The following RASL10A variants were observed in gnomAD, a reference collection of about 807,000 sequenced individuals.
RASL10A encodes the protein RAS like family 10 member A, also known as ras-like protein family member 10A.
RASL10A carries 13 observed loss-of-function variants against 17.3 expected under a neutral mutation model. That is an observed-to-expected ratio of 0.75 (90% CI 0.49 to 1.20). The LOEUF (loss-of-function observed/expected upper bound fraction) is 1.20, where lower values mean the gene tolerates loss of function less well. Among genes scored for constraint, RASL10A ranks in the 50% most tolerant of loss-of-function variants. The pLI is 0.00. For synonymous variants in RASL10A, 159 were observed against 142.2 expected (o/e 1.12, Z -0.84); for missense variants, 307 against 310.3 (o/e 0.99, Z 0.08).
At chr22:29,316,038 G>A (rs1323660933), upstream of RASL10A, among the ~76,000 whole-genome samples, 1 of 152,206 alleles carries the variant, frequency 6.6e-6, no homozygotes, top group Non-Finnish European at 1.5e-5. Context: ...GTGTGACCTT[G>A]GGCGAATCGC....
chr22:29,314,854 C>T (rs1009953489), intron 1 of RASL10A, among the ~76,000 whole-genome samples, 174 bp downstream of exon 1: 2 of 152,238 alleles, frequency 1.3e-5, no homozygotes, highest in Non-Finnish European at 2.9e-5. Context: ...TGGGCTTGGG[C>T]GTCTCCAGGT....
chr22:29,317,977 C>T (rs1014046792), upstream of RASL10A, among the ~76,000 whole-genome samples: 2 of 151,958 alleles, frequency 1.3e-5, no homozygotes, highest in South Asian at 2.1e-4. Context: ...TGAGCCACTG[C>T]GCCCGGCCAG....
At position 29,313,559 on chromosome 22, in the gene RASL10A, GC is replaced by G; in HGVS notation, c.353del (p.Gly118AlafsTer10). 1 of 1,526,248 alleles carries G rather than the reference GC, an allele frequency of 6.6e-7. No homozygotes were observed. Among genetic ancestry groups the G allele is most frequent in the Non-Finnish European group, 8.7e-7 (1 of 1,148,686 alleles). The allele number at this position is 1,526,248 out of a possible 1,614,324, so 94.5% of individuals were successfully genotyped here. ...CCACGAGGATGGGCGCTTCGGGCGCGCCCGCCGGCCTGGGGGCCGAATGGAG... is the reference window on the plus strand; with the variant it reads ...CCACGAGGATGGGCGCTTCGGGCGCGCCGCCGGCCTGGGGGCCGAATGGAG... ...RQRIAETRPA[G>X]APEAPILVVG... On this transcript the variant is annotated frameshift_variant, in exon 3 of 3. Coordinates refer to ENST00000216101, the MANE Select transcript of RASL10A (RefSeq NM_006477.5). LOFTEE classifies it high-confidence loss of function.
At chr22:29,314,305 C>G (rs1393307258) in intron 1 of RASL10A, 7 of 314,170 alleles carry the variant, frequency 2.2e-5, no homozygotes, top group Admixed American at 9.1e-5. Context: ...ACCACGGCCT[C>G]TAAGACTAAT....
At chr22:29,318,844 G>A (rs1237856810), upstream of RASL10A, among the ~76,000 whole-genome samples, 1 of 152,240 alleles carries the variant, frequency 6.6e-6, no homozygotes, top group Admixed American at 6.5e-5. Context: ...TAGGCACACA[G>A]TGGCCAAGGT....
Position 29,313,544 on chromosome 22 carries a change from G to T in RASL10A, c.369C>A (p.Pro123=). Residue 123 remains proline, a synonymous_variant, in exon 3 of 3, where the codon CCC becomes CCA. Coordinates refer to ENST00000216101, the MANE Select transcript of RASL10A (RefSeq NM_006477.5). ...CCCGCTTGTTGCCTACCACGAGGAT[G>T]GGCGCTTCGGGCGCGCCCGCCGGCC... ...ETRPAGAPEA[P]ILVVGNKRDR... The T allele has an allele frequency of 6.5e-7, 1 of 1,537,892 alleles. No homozygotes were observed. The highest frequency in any genetic ancestry group is 2.0e-5 in the Admixed American group (1 of 50,030).
chr22:29,313,698 C>T, intron 2 of RASL10A, 130 bp from the exon 3 acceptor site: 2 of 1,421,482 alleles, frequency 1.4e-6, no homozygotes, highest in South Asian at 1.4e-5. Flanking sequence ...CCCAACGAAA[C>T]CCCAGGCCCA....
chr22:29,315,307 C>A lies in RASL10A; in HGVS notation c.-61G>T. 4 of 1,161,212 alleles carry A rather than the reference C, an allele frequency of 3.4e-6. No homozygotes were observed. The highest frequency in any genetic ancestry group is 3.3e-6 in the Non-Finnish European group (3 of 920,632). The allele number at this position is 1,161,212 out of a possible 1,614,324, so 71.9% of individuals were successfully genotyped here. A position where few individuals can be genotyped will look rare whatever the true frequency, so the allele number is the denominator to read the frequency against. ...CCTCATGGGCCGGCGCCGCACCGTG[C>A]GCCCCCAGGCCGTGCGCCCCGCGCG... On this transcript the variant is annotated 5_prime_UTR_variant, in exon 1 of 3. Transcript: ENST00000216101. The surrounding 1 kb of genome is among the most constrained non-coding windows in gnomAD (Gnocchi z 5.5).
chr22:29,314,117 A>G, intron 1 of RASL10A, 130 bp from the exon 2 acceptor site: 1 of 1,282,490 alleles, frequency 7.8e-7, no homozygotes, highest in Non-Finnish European at 1.0e-6. Context: ...CCCCTCCCCC[A>G]AGCTTTCCGG....
Position 29,315,036 on chromosome 22 carries a change from C to T in RASL10A, c.211G>A (p.Gly71Ser), listed in dbSNP as rs1209943446. Residue 71 changes from glycine (G) to serine (S), a missense_variant, in exon 1 of 3, where the codon GGT becomes AGT. Coordinates refer to ENST00000216101, the MANE Select transcript of RASL10A (RefSeq NM_006477.5). This position sits in a 1 kb window ranked among gnomAD's most constrained non-coding sequence, Gnocchi z 5.5. Reference sequence around the variant, plus strand: ...GCTCCTCGAGCCGCTACCTCCGGACCCCCGGGGCTCGAGCCGGGGCCAGCG... The same window carrying T: ...GCTCCTCGAGCCGCTACCTCCGGACTCCCGGGGCTCGAGCCGGGGCCAGCG... ...DVAGPGSSPG[G>S]PEEWPDAKDW... 2 of 1,508,826 alleles carry T rather than the reference C, an allele frequency of 1.3e-6. No individual in the cohort carries two copies. The highest frequency in any genetic ancestry group is 2.9e-5 in the African/African-American group (2 of 69,816). 93.5% of individuals were successfully genotyped at this position (1,508,826 alleles called of 1,614,324 possible).
At chr22:29,313,592 G>A (rs770648062) in intron 2 of RASL10A, 24 bp from the exon 3 acceptor site, 1 of 1,510,702 alleles carries the variant, frequency 6.6e-7, no homozygotes, top group Admixed American at 2.2e-5. Flanking sequence ...GGAGATGAGA[G>A]ACGCGGGGAC....
rs117024429 is a variant in RASL10A at position 29,313,681 on chromosome 22, C to A, written c.345-113G>T. ...CCTACGGCCAGAGACACCGCCCCCC[C>A]CGCCGCCCCAACGAAACCCCAGGCC... On this transcript the variant is annotated intron_variant, in intron 2 of 2. Coordinates refer to ENST00000216101, the MANE Select transcript of RASL10A (RefSeq NM_006477.5). 229 of 1,418,348 alleles carry A rather than the reference C, an allele frequency of 1.6e-4. 3 individuals carry two copies. In the South Asian group the frequency reaches 2.7e-3, roughly 16 times the overall value. The allele number at this position is 1,418,348 out of a possible 1,614,324, so 87.9% of individuals were successfully genotyped here. A position where few individuals can be genotyped will look rare whatever the true frequency, so the allele number is the denominator to read the frequency against.
rs2061444489 is a variant in RASL10A, at chr22:29,315,020, G to A, written c.219+8C>T. The A allele has an allele frequency of 6.7e-7, 1 of 1,495,850 alleles. No homozygotes were observed. The highest frequency in any genetic ancestry group is 8.9e-7 in the Non-Finnish European group (1 of 1,127,092). The allele number at this position is 1,495,850 out of a possible 1,614,324, so 92.7% of individuals were successfully genotyped here. ...TCACACGCCCCTGCCCGCTCCTCGA[G>A]CCGCTACCTCCGGACCCCCGGGGCT... On this transcript the variant is annotated splice_region_variant and intron_variant, in intron 1 of 2. Transcript: ENST00000216101. This position sits in a 1 kb window ranked among gnomAD's most constrained non-coding sequence, Gnocchi z 5.5.
rs1470879381 is a variant in RASL10A, at chr22:29,315,064, G to A, written c.183C>T (p.Asp61=). 6.6e-7 allele frequency: 1 copy of A among 1,518,568 alleles called. No homozygotes were observed. Among genetic ancestry groups the A allele is most frequent in the Non-Finnish European group, 8.8e-7 (1 of 1,137,126 alleles). 94.1% of individuals were successfully genotyped at this position (1,518,568 alleles called of 1,614,324 possible). The change falls in exon 1 of 3, where the codon GAC becomes GAT. Residue 61 remains aspartate, a synonymous_variant. Transcript: ENST00000216101. This position sits in a 1 kb window ranked among gnomAD's most constrained non-coding sequence, Gnocchi z 5.5. ...AVYDLSIRDG[D]VAGPGSSPGG... is the part of the protein sequence containing the mutation. ...CGGGGCTCGAGCCGGGGCCAGCGAC[G>A]TCGCCGTCGCGGATGCTCAAGTCGT...
At chr22:29,313,682 C>T (rs2061435066) in intron 2 of RASL10A, 114 bp from the exon 3 acceptor site, 5 of 1,414,714 alleles carry the variant, frequency 3.5e-6, no homozygotes, top group Non-Finnish European at 4.7e-6. Flanking sequence ...CCGCCCCCCC[C>T]GCCGCCCCAA....
At chr22:29,314,091 C>T in intron 1 of RASL10A, 104 bp from the exon 2 acceptor site, 5 of 1,462,900 alleles carry the variant, frequency 3.4e-6, no homozygotes, top group Non-Finnish European at 4.6e-6. Context: ...ACATCACCCC[C>T]ATACAGACCT....
upstream of RASL10A, chr22:29,319,458 G>A (rs559708202): frequency 6.6e-6 from 1 of 152,156 alleles, no homozygotes; most frequent in African/African-American, 2.4e-5. Flanking sequence ...GACACAAGGA[G>A]GCTGGGCAGG....
At position 29,315,118 on chromosome 22, in the gene RASL10A, T is replaced by C; in HGVS notation, c.129A>G (p.Arg43=). ...HRPTDGPRLY[R]PAVLLDGAVY... ...CGGCGCCGTCGAGCAGCACCGCGGGTCGGTAGAGGCGCGGCCCGTCCGTGG... is the reference window on the plus strand; with the variant it reads ...CGGCGCCGTCGAGCAGCACCGCGGGCCGGTAGAGGCGCGGCCCGTCCGTGG... The change falls in exon 1 of 3, where the codon CGA becomes CGG. Residue 43 remains arginine (R), a synonymous_variant. Coordinates refer to ENST00000216101, the MANE Select transcript of RASL10A (RefSeq NM_006477.5). The surrounding 1 kb of genome is among the most constrained non-coding windows in gnomAD (Gnocchi z 5.5). 6.5e-7 allele frequency: 1 copy of C among 1,529,862 alleles called. No homozygotes were observed. Among genetic ancestry groups the C allele is most frequent in the Non-Finnish European group, 8.7e-7 (1 of 1,143,066 alleles). 94.8% of individuals were successfully genotyped at this position (1,529,862 alleles called of 1,614,324 possible). A position where few individuals can be genotyped will look rare whatever the true frequency, so the allele number is the denominator to read the frequency against.
At chr22:29,317,195 C>G (rs2061458348), upstream of RASL10A, 1 of 152,238 alleles carries the variant, frequency 6.6e-6, no homozygotes, top group South Asian at 2.1e-4. Context: ...CATGATTTTT[C>G]CCTTCACTTG....
Sources: allele counts gnomAD v4.1 joint callset (sites outside exome capture counted in the v4.1 genomes callset), GRCh38; gene constraint gnomAD v4.1.1; non-coding constraint Gnocchi (gnomAD v3.1); transcripts MANE v1.5; gene names NCBI Gene and HGNC (gene_info 2026-07-23, HGNC 2026-07-21).